DZANK1: variants seen among roughly 807,000 people sequenced by gnomAD.
The protein encoded by DZANK1 is double zinc ribbon and ankyrin repeat-containing protein 1.
Under a neutral mutation model 94.5 loss-of-function variants are expected in DZANK1, and 91 were observed. The ratio of observed to expected loss-of-function variants is 0.96; its 90% CI spans 0.81 to 1.15. DZANK1 has a LOEUF of 1.15. Among genes scored for constraint, DZANK1 ranks in the 50% most tolerant of loss-of-function variants. The pLI, the probability that DZANK1 is intolerant of heterozygous loss-of-function variation, is 0.00. For synonymous variants in DZANK1, 312 were observed against 325.3 expected (o/e 0.96, Z 0.44); for missense variants, 903 against 916.4 (o/e 0.99, Z 0.19).
At chr20:18,394,922 T>C (rs943164181) in intron 15 of DZANK1, 2 of 456,284 alleles carry the variant, frequency 4.4e-6, no homozygotes, top group Non-Finnish European at 4.4e-6. Flanking sequence ...TGCAGTAAAA[T>C]GGGCGTCTAC....
At chr20:18,405,011 T>C (rs535008128) in intron 13 of DZANK1, among the ~76,000 whole-genome samples, 43 of 151,900 alleles carry the variant, frequency 2.8e-4, no homozygotes, top group African/African-American at 1.0e-3. Flanking sequence ...CTGGGCAATA[T>C]AGTGAGACCC....
At chr20:18,439,307 G>C (rs977779374) in intron 8 of DZANK1, among the ~76,000 whole-genome samples, 4 of 152,152 alleles carry the variant, frequency 2.6e-5, no homozygotes, top group Non-Finnish European at 2.9e-5. Flanking sequence ...AAAGCTCCAG[G>C]GTCCTTCCCT....
Position 18,443,479 on chromosome 20 carries a change from G to T in DZANK1, c.630-15C>A, listed in dbSNP as rs1307228355. The T allele has an allele frequency of 2.7e-5, 37 of 1,383,046 alleles. No homozygotes were observed. The highest frequency in any genetic ancestry group is 3.4e-5 in the Non-Finnish European group (36 of 1,047,906). The allele number at this position is 1,383,046 out of a possible 1,614,324, so 85.7% of individuals were successfully genotyped here. On this transcript the variant is annotated splice_polypyrimidine_tract_variant and intron_variant, in intron 7 of 20. Coordinates refer to ENST00000262547, the Ensembl canonical transcript of DZANK1. ...AGTGGGCACACCTACAACAAAACAG[G>T]TTCCCGATTGGCCATGTTCTGGTGG... is the stretch of plus-strand genomic sequence containing the variant.
At chr20:18,465,822 G>C (rs1173239207) in intron 1 of DZANK1, among the ~76,000 whole-genome samples, 1 of 152,188 alleles carries the variant, frequency 6.6e-6, no homozygotes, top group Admixed American at 6.5e-5. Context: ...ATGTTAGTTA[G>C]AGCTAACTTT....
exon 20 of DZANK1, chr20:18,385,071 G>A (rs1363236780): frequency 5.8e-6 from 9 of 1,553,068 alleles, no homozygotes; most frequent in South Asian, 1.2e-5. Flanking sequence ...GTTGCTTCAT[G>A]AAGAGCTGTA....
intron 13 of DZANK1, among the ~76,000 whole-genome samples, chr20:18,406,030 C>T (rs1170684433): frequency 6.6e-6 from 1 of 152,220 alleles, no homozygotes; most frequent in East Asian, 1.9e-4. Flanking sequence ...AATTGCTCAT[C>T]CTAGTGGTCT....
intron 14 of DZANK1, 56 bp from the exon 15 acceptor site, chr20:18,396,602 T>A: frequency 8.0e-7 from 1 of 1,250,418 alleles, no homozygotes; most frequent in Non-Finnish European, 1.1e-6. Context: ...CTCATTGCCT[T>A]AAGTAACAGT....
At position 18,414,336 on chromosome 20, in the gene DZANK1, G is replaced by A. The variant is rs1568928835; in HGVS notation, c.1242+12C>T. The A allele has an allele frequency of 6.2e-7, 1 of 1,613,336 alleles. No individual in the cohort carries two copies. The highest frequency in any genetic ancestry group is 8.5e-7 in the Non-Finnish European group (1 of 1,179,782). ...TCCTGGGTACCAGTTCTTACTACAG[G>A]GGAGGCCTCACCTCAGAAAAAGGGC... is the stretch of plus-strand genomic sequence containing the variant. On this transcript the variant is annotated intron_variant, in intron 12 of 20. Transcript: ENST00000262547.
At chr20:18,416,294 G>A (rs572650084) in intron 10 of DZANK1, among the ~76,000 whole-genome samples, 17 of 152,114 alleles carry the variant, frequency 1.1e-4, no homozygotes, top group Non-Finnish European at 2.1e-4. Context: ...AGTTTCAGAC[G>A]ATTACCCACA....
At position 18,463,777 on chromosome 20, in the gene DZANK1, T is replaced by C. The variant is rs2059552815; in HGVS notation, c.109+1473A>G. On this transcript the variant is annotated intron_variant, in intron 2 of 20. Transcript: ENST00000262547. ...AGGAGAACACAGATAATAATACATA[T>C]GCTTAGTTAGAACTCTTGGTCTAAG... is the stretch of plus-strand genomic sequence containing the variant. 2.6e-5 allele frequency among the ~76,000 whole-genome samples: 4 copies of C among 152,174 alleles called. No homozygotes were observed. The East Asian group carries it at 5.8e-4, about 22-fold the overall frequency.
exon 18 of DZANK1, chr20:18,390,384 C>A (rs2055894308): frequency 1.9e-6 from 3 of 1,613,810 alleles, no homozygotes; most frequent in African/African-American, 1.3e-5. Flanking sequence ...CTTACCTCAT[C>A]CAGCAGCTGT....
Position 18,384,510 on chromosome 20 carries a change from C to A in DZANK1, c.2148G>T (p.Leu716=), listed in dbSNP as rs763572904. 28 of 1,611,620 alleles carry A rather than the reference C, an allele frequency of 1.7e-5. No homozygotes were observed. In the South Asian group the frequency reaches 3.1e-4, roughly 18 times the overall value. The stretch of plus-strand genomic sequence containing the variant: ...CAAGGTCATCTCCAGTGTTCAGAGC[C>A]AGGTCGTATGCTGTCTGGCCTCCTG... The change falls in exon 21 of 21, where the codon CTG becomes CTT. Residue 716 remains leucine (L), a synonymous_variant. Transcript: ENST00000262547.
At chr20:18,457,882 G>A (rs1239870004) in intron 3 of DZANK1, among the ~76,000 whole-genome samples, 1 of 152,112 alleles carries the variant, frequency 6.6e-6, no homozygotes, top group Non-Finnish European at 1.5e-5. Context: ...ACAGATATTG[G>A]GGGACATCCA....
intron 5 of DZANK1, 71 bp from the exon 6 acceptor site, chr20:18,452,810 C>T: frequency 1.4e-6 from 2 of 1,430,102 alleles, no homozygotes; most frequent in East Asian, 2.5e-5. Context: ...GATATCTTCA[C>T]AGCGGGAGAC....
chr20:18,427,034 T>C lies in DZANK1; in HGVS notation c.954+33A>G, dbSNP rs1233286188. ...TCATTAACATTGACATAGTAGCCAC[T>C]AAATATAGGATTGGCACATGCAATC... On this transcript the variant is annotated intron_variant, in intron 10 of 20. Transcript: ENST00000262547. 2.0e-6 allele frequency: 3 copies of C among 1,496,878 alleles called. No individual in the cohort carries two copies. In the Admixed American group the frequency reaches 5.2e-5, roughly 26 times the overall value. 92.7% of individuals were successfully genotyped at this position (1,496,878 alleles called of 1,614,324 possible).
chr20:18,422,681 T>C (rs931299226), intron 10 of DZANK1, among the ~76,000 whole-genome samples: 5 of 152,118 alleles, frequency 3.3e-5, no homozygotes, highest in African/African-American at 4.8e-5. Context: ...ACATAAATAT[T>C]CCAAAGTCCA....
intron 13 of DZANK1, among the ~76,000 whole-genome samples, chr20:18,405,825 T>A (rs1321405843): frequency 6.6e-6 from 1 of 152,226 alleles, no homozygotes; most frequent in Non-Finnish European, 1.5e-5. Flanking sequence ...ACTGATACCA[T>A]CCTTCCCCAT....
intron 3 of DZANK1, among the ~76,000 whole-genome samples, chr20:18,457,149 G>C (rs1475685060): frequency 1.3e-5 from 2 of 152,148 alleles, no homozygotes; most frequent in East Asian, 3.9e-4. Flanking sequence ...TCAAGATATA[G>C]GCTTGGTCGT....
chr20:18,459,443 C>T (rs956010773), intron 3 of DZANK1, among the ~76,000 whole-genome samples: 3 of 152,064 alleles, frequency 2.0e-5, no homozygotes, highest in Non-Finnish European at 2.9e-5. Flanking sequence ...AGTACCTGGG[C>T]CAGCCAGGTA....
Sources: gnomAD v4.1 joint callset for allele counts (sites outside exome capture counted in the v4.1 genomes callset) on GRCh38, gnomAD v4.1.1 for gene constraint, MANE v1.5 for transcripts, NCBI Gene and HGNC (gene_info 2026-07-23, HGNC 2026-07-21) for gene names.